The following CELF2 variants were observed in gnomAD, a reference collection of about 807,000 sequenced individuals.
CELF2 encodes CUG triplet repeat RNA-binding protein 2.
Under a neutral mutation model 62.6 loss-of-function variants are expected in CELF2, and 8 were observed. That is an observed-to-expected ratio of 0.13 (90% confidence interval 0.07 to 0.23). The LOEUF is 0.23. Ranked by LOEUF, CELF2 falls within the 10% of genes least tolerant of loss-of-function variation. The pLI, the probability that CELF2 is intolerant of heterozygous loss-of-function variation, is 1.00. For missense variants in CELF2, 333 were observed against 671.0 expected, an observed-to-expected ratio of 0.50 and a Z score of 5.56; for synonymous variants, 258 against 250.0, an observed-to-expected ratio of 1.03 and a Z score of -0.30.
chr10:10,909,785 G>A (rs1223127129), intron 1 of CELF2, among the ~76,000 whole-genome samples: 1 of 152,074 alleles, frequency 6.6e-6, no homozygotes, highest in Non-Finnish European at 1.5e-5. Context: ...CCCATTACTT[G>A]TCATTATGTA....
chr10:11,269,656 A>C lies in CELF2; in HGVS notation c.619-1010A>C, dbSNP rs970065439. 2.0e-5 allele frequency among the ~76,000 whole-genome samples: 3 copies of C among 151,138 alleles called. No homozygotes were observed. The highest frequency in any genetic ancestry group is 4.4e-5 in the Non-Finnish European group (3 of 67,834). On this transcript the variant is annotated intron_variant, in intron 6 of 12. Transcript: ENST00000633077. The surrounding 1 kb of genome is among the most constrained non-coding windows in gnomAD (Gnocchi z 4.4). ...GTGTAGGCAAGCCACACAAAGGAGG[A>C]GAAGAGGCTGGGGAAGGAGGGGGAG...
At position 11,314,058 on chromosome 10, in the gene CELF2, A is replaced by T. The variant is rs1246371179; in HGVS notation, c.977-81A>T. On this transcript the variant is annotated intron_variant, in intron 9 of 12. Transcript: ENST00000633077. The surrounding 1 kb of genome is among the most constrained non-coding windows in gnomAD (Gnocchi z 5.3). ...CAGCTCCTCAGCTCCGTCCACTGAGATGATGACAGAAGGATTTCCAGTCTC... is the reference window on the plus strand; with the variant it reads ...CAGCTCCTCAGCTCCGTCCACTGAGTTGATGACAGAAGGATTTCCAGTCTC... 1.3e-5 allele frequency: 18 copies of T among 1,395,118 alleles called. No individual in the cohort carries two copies. Among genetic ancestry groups the T allele is most frequent in the Admixed American group, 1.8e-5 (1 of 55,726 alleles). 86.4% of individuals were successfully genotyped at this position (1,395,118 alleles called of 1,614,324 possible).
chr10:11,141,576 G>C (rs1330705624), intron 1 of CELF2, among the ~76,000 whole-genome samples: 1 of 152,216 alleles, frequency 6.6e-6, no homozygotes, highest in Non-Finnish European at 1.5e-5. Context: ...AAACACATTT[G>C]TGTGGTCTAG....
intron 1 of CELF2, among the ~76,000 whole-genome samples, chr10:10,887,267 C>G (rs1196793306): frequency 6.6e-6 from 1 of 152,156 alleles, no homozygotes; most frequent in Non-Finnish European, 1.5e-5. Flanking sequence ...TTTTTATCAC[C>G]TTCCTTTTTA....
chr10:11,129,338 T>C (rs1043817498), intron 1 of CELF2, among the ~76,000 whole-genome samples: 2 of 152,176 alleles, frequency 1.3e-5, no homozygotes, highest in African/African-American at 4.8e-5. Flanking sequence ...TCTAAAACTC[T>C]CTTTTTTTGT....
chr10:11,059,081 CCTT>C (rs1471488020), intron 1 of CELF2, among the ~76,000 whole-genome samples: 1 of 152,140 alleles, frequency 6.6e-6, no homozygotes, highest in Non-Finnish European at 1.5e-5. Context: ...TTGCGTCTGT[CCTT>C]CTATTTTATG....
At chr10:11,062,373 A>C (rs2066991623) in intron 1 of CELF2, among the ~76,000 whole-genome samples, 1 of 152,260 alleles carries the variant, frequency 6.6e-6, no homozygotes, top group African/African-American at 2.4e-5. Flanking sequence ...GATTCCTCTA[A>C]TGGATCTGTG....
chr10:10,768,189 A>T, the CELF2 span, among the ~76,000 whole-genome samples: 2 of 151,220 alleles, frequency 1.3e-5, no homozygotes, highest in South Asian at 2.1e-4. Flanking sequence ...AAACCAAAAA[A>T]CTTGCCAGCC....
At chr10:11,271,733 G>A (rs2083870388) in intron 7 of CELF2, among the ~76,000 whole-genome samples, 1 of 152,062 alleles carries the variant, frequency 6.6e-6, no homozygotes, top group Non-Finnish European at 1.5e-5. Flanking sequence ...GTGTGTGTGT[G>A]TGTACCCCAT....
rs540638231 is a variant in CELF2 at position 11,110,676 on chromosome 10, G to A, written c.75-54810G>A. Among the ~76,000 whole-genome samples, 131 of 152,288 alleles carry A rather than the reference G, an allele frequency of 8.6e-4. 1 individual carries two copies. Among genetic ancestry groups the A allele is most frequent in the African/African-American group, 2.9e-3 (121 of 41,558 alleles). On this transcript the variant is annotated intron_variant, in intron 1 of 12. Coordinates refer to ENST00000633077, the MANE Select transcript of CELF2 (RefSeq NM_001326342.2). The surrounding 1 kb of genome is among the most constrained non-coding windows in gnomAD (Gnocchi z 4.0). ...AGTGAGACAGCCAGTGTGACGTTGAGAGTGTTCTCATGGGTCGTTGGCATT... is the reference window on the plus strand; with the variant it reads ...AGTGAGACAGCCAGTGTGACGTTGAAAGTGTTCTCATGGGTCGTTGGCATT...
rs553260836 is a variant in CELF2, at chr10:10,906,939, A to G, written c.54-13025A>G. On this transcript the variant is annotated intron_variant, in intron 1 of 13. Coordinates refer to the CELF2 transcript ENST00000636488. ...TCACCATGTTGGCCAGGATGGTCTC[A>G]ATCTCTTGACCTCGTGATCCACCCC... Among the ~76,000 whole-genome samples, 98 of 151,964 alleles carry G rather than the reference A, an allele frequency of 6.4e-4. 1 individual carries two copies. The highest frequency in any genetic ancestry group is 6.9e-4 in the Non-Finnish European group (47 of 67,972).
At chr10:10,770,143 C>A in the CELF2 span, among the ~76,000 whole-genome samples, 1 of 151,956 alleles carries the variant, frequency 6.6e-6, no homozygotes, top group East Asian at 1.9e-4. Flanking sequence ...GGATGCGGTG[C>A]GATTAGCTGG....
chr10:10,860,140 T>C (rs759225391), intron 1 of CELF2, among the ~76,000 whole-genome samples: 63 of 152,336 alleles, frequency 4.1e-4, no homozygotes, highest in Non-Finnish European at 1.3e-4. Flanking sequence ...TTTTCACTTT[T>C]GTAAATCATT....
intron 9 of CELF2, among the ~76,000 whole-genome samples, chr10:11,299,275 GC>G (rs2093483922): frequency 6.6e-6 from 1 of 152,242 alleles, no homozygotes; most frequent in South Asian, 2.1e-4. Context: ...TCTGCACCGG[GC>G]CCTTGCAGGG....
intron 2 of CELF2, among the ~76,000 whole-genome samples, chr10:10,949,310 T>A (rs1434463769): frequency 1.3e-5 from 2 of 152,008 alleles, no homozygotes; most frequent in East Asian, 1.9e-4. Context: ...CAAACCCCAC[T>A]CATGTCATGT....
intron 2 of CELF2, among the ~76,000 whole-genome samples, chr10:11,196,397 C>T (rs767313125): frequency 3.9e-5 from 6 of 152,232 alleles, no homozygotes; most frequent in Non-Finnish European, 1.5e-5. Context: ...CGTGGTGACT[C>T]ACACCTGTAA....
At chr10:10,660,088 G>A in the CELF2 span, among the ~76,000 whole-genome samples, 2 of 152,164 alleles carry the variant, frequency 1.3e-5, no homozygotes, top group Non-Finnish European at 2.9e-5. Context: ...TCTAGAAGCA[G>A]GAAATGGCAA....
At chr10:10,856,495 AC>A (rs2059718074) in intron 1 of CELF2, among the ~76,000 whole-genome samples, 1 of 152,218 alleles carries the variant, frequency 6.6e-6, no homozygotes, top group Non-Finnish European at 1.5e-5. Context: ...AAGGTAAGGA[AC>A]AAGTGCTTTA....
chr10:11,090,787 C>G (rs1172261568), intron 1 of CELF2, among the ~76,000 whole-genome samples: 1 of 152,094 alleles, frequency 6.6e-6, no homozygotes, highest in Non-Finnish European at 1.5e-5. Flanking sequence ...TAATGGAATT[C>G]CACAAGAGTT....
Sources: allele counts gnomAD v4.1 joint callset (sites outside exome capture counted in the v4.1 genomes callset), GRCh38; gene constraint gnomAD v4.1.1; non-coding constraint Gnocchi (gnomAD v3.1); transcripts MANE v1.5; gene names NCBI Gene and HGNC (gene_info 2026-07-23, HGNC 2026-07-21).